The following FRMD4A variants were observed in gnomAD, a reference collection of about 807,000 sequenced individuals.
FRMD4A encodes the protein FERM domain-containing protein 4A.
Under a neutral mutation model 129.1 loss-of-function variants are expected in FRMD4A, and 29 were observed. The observed-to-expected ratio is 0.22, with a 90% confidence interval of 0.17 to 0.31. The LOEUF is 0.31. Among genes scored for constraint, FRMD4A ranks in the 10% least tolerant of loss-of-function variants. The pLI is 1.00. For synonymous variants in FRMD4A, 634 were observed against 571.6 expected (o/e 1.11, Z -1.56); for missense variants, 1,272 against 1,375.8 (o/e 0.92, Z 1.19).
chr10:14,204,620 C>T (rs1842728800), intron 2 of FRMD4A, among the ~76,000 whole-genome samples: 1 of 152,034 alleles, frequency 6.6e-6, no homozygotes, highest in African/African-American at 2.4e-5. Context: ...GAAAGGTAAA[C>T]AGCACATGGG....
At chr10:14,147,485 G>T (rs1284036379) in intron 2 of FRMD4A, among the ~76,000 whole-genome samples, 1 of 152,050 alleles carries the variant, frequency 6.6e-6, no homozygotes, top group Non-Finnish European at 1.5e-5. Context: ...AATATGTAAT[G>T]AAATAATTAT....
intron 12 of FRMD4A, among the ~76,000 whole-genome samples, chr10:13,718,776 T>C (rs1571008): frequency 0.33 from 50,907 of 152,054 alleles, 9,104 homozygotes; most frequent in East Asian, 0.49. Flanking sequence ...CCTCCCAAAA[T>C]TCCCAGCCCT....
intron 2 of FRMD4A, among the ~76,000 whole-genome samples, chr10:13,974,843 A>G (rs1488335710): frequency 6.6e-6 from 1 of 152,200 alleles, no homozygotes; most frequent in Non-Finnish European, 1.5e-5. Context: ...TAGCCTTTAA[A>G]TCGCTAATTC....
intron 2 of FRMD4A, among the ~76,000 whole-genome samples, chr10:14,146,129 G>T (rs867573476): frequency 2.6e-5 from 4 of 152,102 alleles, no homozygotes; most frequent in Admixed American, 1.3e-4. Flanking sequence ...GAGAGTAAAA[G>T]GACTCTTAGA....
intron 13 of FRMD4A, among the ~76,000 whole-genome samples, chr10:13,703,299 A>G (rs1251347166): frequency 6.6e-6 from 1 of 152,066 alleles, no homozygotes; most frequent in Non-Finnish European, 1.5e-5. Flanking sequence ...TCCTCTCCTC[A>G]TCTTTCGCTT....
At chr10:13,997,947 C>A (rs2095628803) in intron 2 of FRMD4A, among the ~76,000 whole-genome samples, 2 of 152,172 alleles carry the variant, frequency 1.3e-5, no homozygotes, top group African/African-American at 2.4e-5. Flanking sequence ...TTTGTGCAAT[C>A]TTTTATGACA....
intron 8 of FRMD4A, chr10:13,756,229 A>G (rs915546631): frequency 6.6e-6 from 1 of 152,218 alleles, no homozygotes; most frequent in African/African-American, 2.4e-5. Flanking sequence ...GATGTTTTTT[A>G]CTTGTCTCTG....
At chr10:14,154,513 A>G (rs1046422425) in intron 2 of FRMD4A, among the ~76,000 whole-genome samples, 1 of 152,216 alleles carries the variant, frequency 6.6e-6, no homozygotes, top group African/African-American at 2.4e-5. Flanking sequence ...TTCCTTAAAT[A>G]TGTCTAAAAC....
rs191945178 is a variant in FRMD4A at position 13,827,383 on chromosome 10, C to T, written c.112-16475G>A. Among the ~76,000 whole-genome samples the T allele has an allele frequency of 4.1e-3, 630 of 152,278 alleles. 2 individuals carry two copies. Among genetic ancestry groups the T allele is most frequent in the Non-Finnish European group, 4.7e-3 (319 of 68,016 alleles). On this transcript the variant is annotated intron_variant, in intron 3 of 24. Transcript: ENST00000357447. Reference sequence around the variant, plus strand: ...CCCACAGCCTGGGGCAGATTTCAAGCCCATCTCCCGAAACCCGACAGGATA... The same window carrying T: ...CCCACAGCCTGGGGCAGATTTCAAGTCCATCTCCCGAAACCCGACAGGATA...
intron 2 of FRMD4A, among the ~76,000 whole-genome samples, chr10:13,959,300 TATCTCTAC>T (rs2095430804): frequency 6.6e-6 from 1 of 151,938 alleles, no homozygotes; most frequent in Non-Finnish European, 1.5e-5. Flanking sequence ...GGTGAAACCC[TATCTCTAC>T]TAAAAATATA....
intron 19 of FRMD4A, among the ~76,000 whole-genome samples, chr10:13,661,432 C>T (rs2082632027): frequency 6.6e-6 from 1 of 152,042 alleles, no homozygotes; most frequent in South Asian, 2.1e-4. Flanking sequence ...CACATCTGGC[C>T]AGGCAGGGGC....
intron 2 of FRMD4A, among the ~76,000 whole-genome samples, chr10:13,974,879 G>A (rs10906555): frequency 0.34 from 51,833 of 152,066 alleles, 9,192 homozygotes; most frequent in East Asian, 0.6. Flanking sequence ...AGCTCCCCAC[G>A]TGGCCTCTGA....
chr10:13,715,978 G>T, intron 12 of FRMD4A, among the ~76,000 whole-genome samples: 1 of 149,340 alleles, frequency 6.7e-6, no homozygotes, highest in Non-Finnish European at 1.5e-5. Context: ...CAATATTATT[G>T]TTCAAGTAAA....
intron 15 of FRMD4A, chr10:13,684,200 C>T (rs148091497): frequency 3.7e-5 from 15 of 404,362 alleles, no homozygotes; most frequent in African/African-American, 3.2e-4. Flanking sequence ...CATTTCAATC[C>T]TAATCCAAAG....
intron 2 of FRMD4A, among the ~76,000 whole-genome samples, chr10:14,243,294 T>C (rs1218393): frequency 0.81 from 123,520 of 151,948 alleles, 50,628 homozygotes; most frequent in Non-Finnish European, 0.87. Flanking sequence ...GGGCGGTTTC[T>C]CCTGTGTTGT....
intron 2 of FRMD4A, among the ~76,000 whole-genome samples, chr10:13,922,811 A>T (rs562775949): frequency 1.2e-4 from 18 of 152,212 alleles, no homozygotes; most frequent in Non-Finnish European, 1.9e-4. Context: ...CATTACAATG[A>T]GGCATGTGAC....
chr10:14,123,154 C>T (rs1256498362), intron 2 of FRMD4A, among the ~76,000 whole-genome samples: 1 of 152,134 alleles, frequency 6.6e-6, no homozygotes, highest in Non-Finnish European at 1.5e-5. Context: ...AAAACTAAAA[C>T]CACCGAGGCT....
intron 2 of FRMD4A, among the ~76,000 whole-genome samples, chr10:13,944,847 T>C (rs965333537): frequency 6.6e-6 from 1 of 152,214 alleles, no homozygotes; most frequent in South Asian, 2.1e-4. Flanking sequence ...GAAAGCAACT[T>C]CTTATCCTTC....
intron 15 of FRMD4A, among the ~76,000 whole-genome samples, chr10:13,678,356 C>A (rs1488815071): frequency 1.3e-5 from 2 of 152,238 alleles, no homozygotes; most frequent in Admixed American, 6.5e-5. Context: ...CCCGCAAAAT[C>A]ACTGAGCCAG....
Sources: gnomAD v4.1 joint callset for allele counts (sites outside exome capture counted in the v4.1 genomes callset) on GRCh38, gnomAD v4.1.1 for gene constraint, MANE v1.5 for transcripts, NCBI Gene and HGNC (gene_info 2026-07-23, HGNC 2026-07-21) for gene names.